Variants in MEIKIN observed in about 807,000 individuals in gnomAD.
The protein encoded by MEIKIN is meiosis-specific kinetochore protein.
intron 8 of MEIKIN, among the ~76,000 whole-genome samples, chr5:131,895,345 TTC>T (rs1200427283): frequency 1.3e-5 from 2 of 152,178 alleles, no homozygotes; most frequent in Non-Finnish European, 2.9e-5. Flanking sequence ...TGGTCTAAAA[TTC>T]TCTTTTTTCA....
intron 11 of MEIKIN, among the ~76,000 whole-genome samples, chr5:131,848,050 G>C (rs956185793): frequency 6.6e-6 from 1 of 152,080 alleles, no homozygotes; most frequent in Non-Finnish European, 1.5e-5. Flanking sequence ...GAAATTTATG[G>C]CTATAAATGC....
At chr5:131,864,163 A>G (rs534285955) in intron 9 of MEIKIN, among the ~76,000 whole-genome samples, 1 of 152,314 alleles carries the variant, frequency 6.6e-6, no homozygotes. Flanking sequence ...TTTACATTCA[A>G]GTTTATCATT....
chr5:131,810,230 C>T (rs927957238), intron 12 of MEIKIN, among the ~76,000 whole-genome samples: 1 of 152,170 alleles, frequency 6.6e-6, no homozygotes, highest in African/African-American at 2.4e-5. Flanking sequence ...CTAAAGATAA[C>T]ATATGCATCC....
At chr5:131,848,662 T>C (rs1750059486) in intron 11 of MEIKIN, among the ~76,000 whole-genome samples, 1 of 152,192 alleles carries the variant, frequency 6.6e-6, no homozygotes, top group Non-Finnish European at 1.5e-5. Flanking sequence ...TTGTAACTCA[T>C]TCTATGAGAC....
intron 11 of MEIKIN, among the ~76,000 whole-genome samples, chr5:131,826,993 A>G (rs76529117): frequency 6.6e-6 from 1 of 152,178 alleles, no homozygotes; most frequent in East Asian, 1.9e-4. Context: ...GGAAAAAGTT[A>G]ATTTTTTTTT....
At chr5:131,883,418 G>T (rs1349074912) in intron 8 of MEIKIN, among the ~76,000 whole-genome samples, 1 of 152,218 alleles carries the variant, frequency 6.6e-6, no homozygotes. Context: ...TTGCAAGTCT[G>T]AACAGGAGTT....
chr5:131,900,888 C>T (rs1751145225), intron 8 of MEIKIN, among the ~76,000 whole-genome samples: 1 of 152,182 alleles, frequency 6.6e-6, no homozygotes, highest in African/African-American at 2.4e-5. Context: ...TGCCCTCCCC[C>T]TGCTGCAGCC....
At chr5:131,833,907 C>T (rs543645747) in intron 11 of MEIKIN, among the ~76,000 whole-genome samples, 2 of 152,232 alleles carry the variant, frequency 1.3e-5, no homozygotes, top group South Asian at 4.1e-4. Context: ...TTTATCTTTC[C>T]TTTGTTTCTA....
chr5:131,890,966 C>T (rs1341002599), intron 8 of MEIKIN, among the ~76,000 whole-genome samples: 5 of 152,148 alleles, frequency 3.3e-5, no homozygotes, highest in Non-Finnish European at 7.3e-5. Flanking sequence ...GCCTTCATTT[C>T]GTTATGTACC....
At chr5:131,883,217 A>G (rs576183122) in intron 8 of MEIKIN, among the ~76,000 whole-genome samples, 4 of 152,220 alleles carry the variant, frequency 2.6e-5, no homozygotes, top group African/African-American at 4.8e-5. Context: ...ATCCAAGAGG[A>G]GATATCTAGA....
chr5:131,841,632 A>G (rs1434847947), intron 11 of MEIKIN, among the ~76,000 whole-genome samples: 1 of 152,230 alleles, frequency 6.6e-6, no homozygotes, highest in Non-Finnish European at 1.5e-5. Flanking sequence ...GTGAAAAATT[A>G]CATGGGAATC....
intron 11 of MEIKIN, among the ~76,000 whole-genome samples, chr5:131,822,791 A>T (rs1749537600): frequency 6.6e-6 from 1 of 151,982 alleles, no homozygotes; most frequent in Admixed American, 6.6e-5. Flanking sequence ...CCTTTAGGTG[A>T]TTTCTTATTG....
intron 8 of MEIKIN, among the ~76,000 whole-genome samples, chr5:131,879,805 G>A (rs1750674416): frequency 6.6e-6 from 1 of 152,162 alleles, no homozygotes; most frequent in Non-Finnish European, 1.5e-5. Flanking sequence ...CTCTTCTTCA[G>A]TCTTGAGTCT....
intron 3 of MEIKIN, 44 bp from the exon 4 acceptor site, chr5:131,942,739 G>A (rs537872566): frequency 4.5e-5 from 18 of 397,210 alleles, no homozygotes; most frequent in Non-Finnish European, 6.7e-5. Flanking sequence ...TTATGAGATT[G>A]ACCATTTCTA....
chr5:131,846,861 A>G (rs1192469113), intron 11 of MEIKIN, among the ~76,000 whole-genome samples: 1 of 135,916 alleles, frequency 7.4e-6, no homozygotes, highest in East Asian at 2.0e-4. Context: ...ATGATGTATA[A>G]AAATGTTAAC....
chr5:131,820,993 T>C (rs1749487666), intron 11 of MEIKIN, among the ~76,000 whole-genome samples: 1 of 152,184 alleles, frequency 6.6e-6, no homozygotes. Flanking sequence ...TTTCTTCAAA[T>C]TCACTTATTT....
intron 12 of MEIKIN, among the ~76,000 whole-genome samples, chr5:131,810,081 G>T (rs1772924758): frequency 6.6e-6 from 1 of 152,148 alleles, no homozygotes; most frequent in African/African-American, 2.4e-5. Context: ...GTTAGGATTT[G>T]AACTTAGGGA....
chr5:131,911,786 A>G, intron 8 of MEIKIN, 29 bp downstream of exon 8: 1 of 397,050 alleles, frequency 2.5e-6, no homozygotes. Flanking sequence ...CAATTACTAC[A>G]TAAAATAATT....
At chr5:131,838,602 T>C (rs771126793) in intron 11 of MEIKIN, among the ~76,000 whole-genome samples, 5 of 152,076 alleles carry the variant, frequency 3.3e-5, no homozygotes, top group Non-Finnish European at 5.9e-5. Context: ...TGTACAGGAA[T>C]TTATCCATTT....
Sources: gnomAD v4.1 joint callset for allele counts (sites outside exome capture counted in the v4.1 genomes callset) on GRCh38, gnomAD v4.1.1 for gene constraint, MANE v1.5 for transcripts, NCBI Gene and HGNC (gene_info 2026-07-23, HGNC 2026-07-21) for gene names.